The following HSP90AB1 variants were observed in gnomAD, a reference collection of about 807,000 sequenced individuals.
HSP90AB1 encodes heat shock protein HSP 90-beta.
A neutral mutation model predicts 67.8 loss-of-function variants in HSP90AB1; 17 were observed. The observed-to-expected ratio is 0.25, with a 90% CI of 0.17 to 0.38. The LOEUF (loss-of-function observed/expected upper bound fraction) is 0.38. Among genes scored for constraint, HSP90AB1 ranks in the 10% least tolerant of loss-of-function variants. The probability of loss-of-function intolerance (pLI) is 1.00; values close to 1 mark genes in which losing one functional copy is unlikely to be tolerated. For missense variants in HSP90AB1, 690 were observed against 899.9 expected (o/e 0.77, Z 2.98); for synonymous variants, 390 against 312.9 (o/e 1.25, Z -2.60).
Position 44,253,147 on chromosome 6 carries a change from C to T in HSP90AB1, c.1834C>T (p.Arg612Trp). Residue 612 changes from arginine to tryptophan, a missense_variant, in exon 11 of 12, where the codon CGG becomes TGG. Around this residue, in one of 7 missense-constraint regions of HSP90AB1, gnomAD observed 120 missense variants for 153.5 expected, o/e 0.78. Transcript: ENST00000371646. Reference protein sequence around the residue: ...MERIMKAQALRDNSTMGYMMA... With the variant: ...MERIMKAQALWDNSTMGYMMA... ...GCGGATCATGAAAGCCCAGGCACTT[C>T]GGGACAACTCCACCATGGGCTATAT... 1.2e-6 allele frequency: 2 copies of T among 1,614,178 alleles called. No homozygotes were observed. Among genetic ancestry groups the T allele is most frequent in the Non-Finnish European group, 1.7e-6 (2 of 1,180,012 alleles).
rs1349940816 is a variant in HSP90AB1, at chr6:44,253,246, G to A, written c.1933G>A (p.Asp645Asn). 10 of 1,614,208 alleles carry A rather than the reference G, an allele frequency of 6.2e-6. No individual in the cohort carries two copies. Among genetic ancestry groups the A allele is most frequent in the East Asian group, 2.2e-5 (1 of 44,884 alleles). The change falls in exon 11 of 12, where the codon GAC (aspartate) becomes AAC (asparagine). Residue 645 changes from aspartate (D) to asparagine (N), a missense_variant. Asp to Asn is a conservative substitution (Grantham distance 23). Around this residue, in one of 7 missense-constraint regions of HSP90AB1, gnomAD observed 120 missense variants for 153.5 expected, o/e 0.78. Transcript: ENST00000371646. Reference sequence around the variant, plus strand: ...GACGCTGCGGCAGAAGGCTGAGGCCGACAAGAATGATAAGGCAGTTAAGGA... The same window carrying A: ...GACGCTGCGGCAGAAGGCTGAGGCCAACAAGAATGATAAGGCAGTTAAGGA... ...VETLRQKAEA[D>N]KNDKAVKDLV...
chr6:44,252,709 G>A (rs1324761423), intron 10 of HSP90AB1, among the ~76,000 whole-genome samples: 1 of 152,032 alleles, frequency 6.6e-6, no homozygotes, highest in Admixed American at 6.5e-5. Flanking sequence ...CGTTAGCCAG[G>A]ATGGTCTCCA....
chr6:44,251,645 T>G, intron 8 of HSP90AB1, 37 bp downstream of exon 8: 1 of 1,587,132 alleles, frequency 6.3e-7, no homozygotes, highest in Non-Finnish European at 8.6e-7. Flanking sequence ...CTTTACCACT[T>G]TCTTAGTAAT....
rs753450683 is a variant in HSP90AB1, at chr6:44,253,095, C to T, written c.1782C>T (p.Ser594=). The T allele has an allele frequency of 1.9e-6, 3 of 1,614,128 alleles. No homozygotes were observed. Among genetic ancestry groups the T allele is most frequent in the Non-Finnish European group, 2.5e-6 (3 of 1,179,972 alleles). ...CTTCACCTTGCTGCATTGTGACCAGCACCTACGGCTGGACAGCCAATATGG... is the reference window on the plus strand; with the variant it reads ...CTTCACCTTGCTGCATTGTGACCAGTACCTACGGCTGGACAGCCAATATGG... ...LVSSPCCIVT[S]TYGWTANMER... Residue 594 remains serine (S), a synonymous_variant, in exon 11 of 12, where the codon AGC becomes AGT. Coordinates refer to ENST00000371646, the MANE Select transcript of HSP90AB1 (RefSeq NM_007355.4).
chr6:44,248,996 TAGGGGGCAATCAGA>T (rs1780323040), intron 2 of HSP90AB1, among the ~76,000 whole-genome samples: 1 of 152,122 alleles, frequency 6.6e-6, no homozygotes, highest in African/African-American at 2.4e-5. Flanking sequence ...AGCCTCAAGA[TAGGGGGCAATCAGA>T]TTTGAGGCTG....
Position 44,253,682 on chromosome 6 carries a change from A to G in HSP90AB1, c.*84A>G. On this transcript the variant is annotated 3_prime_UTR_variant, in exon 12 of 12. Transcript: ENST00000371646. ...CTGCAGCCTCGAGTGCCCCTGTCCCACCTGGCTCCCCCTGCTGGTGTCTAG... is the reference window on the plus strand; with the variant it reads ...CTGCAGCCTCGAGTGCCCCTGTCCCGCCTGGCTCCCCCTGCTGGTGTCTAG... The G allele has an allele frequency of 2.0e-6, 2 of 982,528 alleles. No homozygotes were observed. 60.9% of individuals were successfully genotyped at this position (982,528 alleles called of 1,614,324 possible).
intron 10 of HSP90AB1, 114 bp from the exon 11 acceptor site, chr6:44,252,931 C>T: frequency 3.7e-6 from 3 of 816,998 alleles, no homozygotes; most frequent in Non-Finnish European, 5.9e-6. Context: ...CCAGCATGGT[C>T]TCAAACTCAA....
At chr6:44,248,853 C>T (rs976792182) in intron 2 of HSP90AB1, 77 bp downstream of exon 2, 8 of 1,381,508 alleles carry the variant, frequency 5.8e-6, no homozygotes, top group Middle Eastern at 1.8e-4. Context: ...AGTGGTTTGG[C>T]CTTTGTTGGG....
At chr6:44,251,381 G>T (rs1561900145) in intron 7 of HSP90AB1, 37 bp from the exon 8 acceptor site, 1 of 1,586,532 alleles carries the variant, frequency 6.3e-7, no homozygotes. Context: ...TGGTCTAGCT[G>T]TTTTTTACTG....
chr6:44,247,980 T>G (rs1410338773), intron 1 of HSP90AB1: 1 of 152,240 alleles, frequency 6.6e-6, no homozygotes, highest in Non-Finnish European at 1.5e-5. Flanking sequence ...GGCCACCATC[T>G]TTCTTGGGTT....
Position 44,253,547 on chromosome 6 carries a change from C to G in HSP90AB1, c.2124C>G (p.Ile708Met). 1.2e-6 allele frequency: 2 copies of G among 1,613,882 alleles called. No homozygotes were observed. Among genetic ancestry groups the G allele is most frequent in the Non-Finnish European group, 1.7e-6 (2 of 1,179,780 alleles). ...CCAATGCTGCAGTTCCTGATGAGAT[C>G]CCCCCTCTCGAGGGCGATGAGGATG... ...EEPNAAVPDE[I>M]PPLEGDEDAS... The change falls in exon 12 of 12, where the codon ATC becomes ATG. Residue 708 changes from isoleucine (I) to methionine (M), a missense_variant. Coordinates refer to ENST00000371646, the MANE Select transcript of HSP90AB1 (RefSeq NM_007355.4).
rs113937534 is a variant in HSP90AB1 at position 44,249,743 on chromosome 6, G to C, written c.423G>C (p.Glu141Asp). The change falls in exon 4 of 12, where the codon GAG becomes GAC. Residue 141 changes from glutamate to aspartate, a missense_variant. Around this residue, in one of 7 missense-constraint regions of HSP90AB1, gnomAD observed 88 missense variants for 167.7 expected, o/e 0.52. Coordinates refer to ENST00000371646, the MANE Select transcript of HSP90AB1 (RefSeq NM_007355.4). ...TTTATTCTGCCTACTTGGTGGCAGA[G>C]AAAGTGGTTGTGATCACAAAGCACA... ...VGFYSAYLVA[E>D]KVVVITKHND... The C allele has an allele frequency of 1.2e-6, 2 of 1,613,952 alleles. No homozygotes were observed. Among genetic ancestry groups the C allele is most frequent in the African/African-American group, 2.7e-5 (2 of 74,914 alleles).
At position 44,250,005 on chromosome 6, in the gene HSP90AB1, T is replaced by A; in HGVS notation, c.515-16T>A. On this transcript the variant is annotated splice_polypyrimidine_tract_variant and intron_variant, in intron 4 of 11. Coordinates refer to ENST00000371646, the MANE Select transcript of HSP90AB1 (RefSeq NM_007355.4). ...TACTTTTTACCCTGTTACACGCTTGTAATTGACTCTTCTAGGTGAGCCCAT... is the reference window on the plus strand; with the variant it reads ...TACTTTTTACCCTGTTACACGCTTGAAATTGACTCTTCTAGGTGAGCCCAT... 1.2e-6 allele frequency: 2 copies of A among 1,613,960 alleles called. No individual in the cohort carries two copies. The highest frequency in any genetic ancestry group is 1.7e-6 in the Non-Finnish European group (2 of 1,179,808).
rs746073230 is a variant in HSP90AB1 at position 44,248,650 on chromosome 6, T to C, written c.21T>C (p.His7=). Residue 7 remains histidine (H), a synonymous_variant, in exon 2 of 12, where the codon CAT becomes CAC. Coordinates refer to ENST00000371646, the MANE Select transcript of HSP90AB1 (RefSeq NM_007355.4). ...TTTAGATGCCTGAGGAAGTGCACCA[T>C]GGAGAGGAGGAGGTGGAGACTTTTG... MPEEVH[H]GEEEVETFAF... 4 of 1,612,840 alleles carry C rather than the reference T, an allele frequency of 2.5e-6. No homozygotes were observed. The highest frequency in any genetic ancestry group is 3.4e-6 in the Non-Finnish European group (4 of 1,179,566).
chr6:44,250,713 T>A (rs1780528217), intron 6 of HSP90AB1, 114 bp downstream of exon 6: 2 of 673,438 alleles, frequency 3.0e-6, no homozygotes, highest in African/African-American at 1.8e-5. Context: ...AACAGAAATG[T>A]GATAGCCATG....
Position 44,251,835 on chromosome 6 carries a change from G to A in HSP90AB1, c.1413G>A (p.Glu471=). 6.2e-7 allele frequency: 1 copy of A among 1,612,988 alleles called. No homozygotes were observed. Among genetic ancestry groups the A allele is most frequent in the Non-Finnish European group, 8.5e-7 (1 of 1,180,020 alleles). Residue 471 remains glutamate, a synonymous_variant, in exon 9 of 12, where the codon GAG becomes GAA. Transcript: ENST00000371646. The part of the protein sequence containing the change: ...QSGDEMTSLS[E]YVSRMKETQK... ...GAGATGAGATGACATCTCTGTCAGA[G>A]TATGTTTCTCGCATGAAGGAGACAC...
In HSP90AB1 at chr6:44,251,384, T is replaced by C. The variant is rs371458351; in HGVS notation, c.1124-34T>C. On this transcript the variant is annotated intron_variant, in intron 7 of 11. Coordinates refer to ENST00000371646, the MANE Select transcript of HSP90AB1 (RefSeq NM_007355.4). The stretch of plus-strand genomic sequence containing the variant: ...GGGGACCAGGTCTGGTCTAGCTGTT[T>C]TTTACTGAGCTTTCTCACCCTGGTT... 8 of 1,588,352 alleles carry C rather than the reference T, an allele frequency of 5.0e-6. No individual in the cohort carries two copies. In the African/African-American group the frequency reaches 5.4e-5, roughly 11 times the overall value.
Position 44,251,161 on chromosome 6 carries a change from C to T in HSP90AB1, c.1071C>T (p.Val357=). The T allele has an allele frequency of 6.2e-7, 1 of 1,614,182 alleles. No homozygotes were observed. Among genetic ancestry groups the T allele is most frequent in the Non-Finnish European group, 8.5e-7 (1 of 1,180,018 alleles). Residue 357 remains valine, a synonymous_variant, in exon 7 of 12, where the codon GTC becomes GTT. Transcript: ENST00000371646. The part of the protein sequence containing the change: ...KKKKNNIKLY[V]RRVFIMDSCD... ...AAAAGAACAACATCAAACTCTATGT[C>T]CGCCGTGTGTTCATCATGGACAGCT... is the stretch of plus-strand genomic sequence containing the variant.
intron 10 of HSP90AB1, among the ~76,000 whole-genome samples, chr6:44,252,796 C>T (rs889894312): frequency 3.1e-4 from 47 of 149,948 alleles, no homozygotes; most frequent in African/African-American, 1.1e-3. Context: ...CATGCCTGGC[C>T]GATTTTTTTT....
Sources: allele counts gnomAD v4.1 joint callset (sites outside exome capture counted in the v4.1 genomes callset), GRCh38; gene constraint gnomAD v4.1.1; regional missense constraint gnomAD v4.1.1; transcripts MANE v1.5; gene names NCBI Gene and HGNC (gene_info 2026-07-23, HGNC 2026-07-21).